The following IPP variants were observed in gnomAD, a reference collection of about 807,000 sequenced individuals.
IPP encodes the protein actin-binding protein IPP.
Under a neutral mutation model 64.1 loss-of-function variants are expected in IPP, and 41 were observed. The observed-to-expected ratio is 0.64, with a 90% CI of 0.50 to 0.83. The LOEUF is 0.83. Among genes scored for constraint, IPP ranks in the 40% least tolerant of loss-of-function variants. The probability of loss-of-function intolerance (pLI) is 0.00; values close to 1 mark genes in which losing one functional copy is unlikely to be tolerated. For missense variants in IPP, 649 were observed against 703.0 expected, an observed-to-expected ratio of 0.92 and a Z score of 0.87; for synonymous variants, 214 against 235.2, an observed-to-expected ratio of 0.91 and a Z score of 0.83.
chr1:45,743,749 C>T (rs1646097170), intron 2 of IPP, among the ~76,000 whole-genome samples: 1 of 151,662 alleles, frequency 6.6e-6, no homozygotes, highest in Non-Finnish European at 1.5e-5. Context: ...AGTGGCTCTC[C>T]CCTGTAATCC....
intron 5 of IPP, among the ~76,000 whole-genome samples, chr1:45,721,446 C>A (rs1645730002): frequency 6.6e-6 from 1 of 152,216 alleles, no homozygotes; most frequent in Admixed American, 6.5e-5. Context: ...GTAGACAACA[C>A]TTCCCACATG....
At position 45,741,216 on chromosome 1, in the gene IPP, G is replaced by A. The variant is rs1228812247; in HGVS notation, c.409C>T (p.Leu137=). Residue 137 remains leucine (L), a synonymous_variant, in exon 3 of 9, where the codon CTG becomes TTG. Transcript: ENST00000396478. ...AACTGAAAAATTCCAATGCAGTTCA[G>A]TGGATCAATTTGTCCTTTCAGAAAT... ...CEFLKGQIDP[L]NCIGIFQFSE... 4 of 1,614,014 alleles carry A rather than the reference G, an allele frequency of 2.5e-6. No homozygotes were observed. The highest frequency in any genetic ancestry group is 3.4e-6 in the Non-Finnish European group (4 of 1,179,980).
Position 45,740,992 on chromosome 1 carries a change from A to C in IPP, c.633T>G (p.Asp211Glu). 1.2e-6 allele frequency: 2 copies of C among 1,613,992 alleles called. No homozygotes were observed. The highest frequency in any genetic ancestry group is 8.5e-7 in the Non-Finnish European group (1 of 1,179,920). Residue 211 changes from aspartate to glutamate, a missense_variant, in exon 3 of 9, where the codon GAT (aspartate) becomes GAG (glutamate). Physicochemically the swap from Asp to Glu is conservative, Grantham distance 45. Coordinates refer to ENST00000396478, the MANE Select transcript of IPP (RefSeq NM_005897.3). Reference protein sequence around the residue: ...FLAAMQWILKDLGKRRKHVVE... With the variant: ...FLAAMQWILKELGKRRKHVVE... ...CCACATGTTTTCTTCTTTTTCCCAAATCTTTCAGAATCCATTGCATTGCAG... is the reference window on the plus strand; with the variant it reads ...CCACATGTTTTCTTCTTTTTCCCAACTCTTTCAGAATCCATTGCATTGCAG...
intron 5 of IPP, among the ~76,000 whole-genome samples, chr1:45,726,766 C>CA (rs1330795395): frequency 6.6e-6 from 1 of 150,756 alleles, no homozygotes; most frequent in Non-Finnish European, 1.5e-5. Flanking sequence ...TCTTGTTGCC[C>CA]AGGCTGGAGT....
At chr1:45,735,621 ATTTTTTTTTTT>A (rs1160000550) in intron 3 of IPP, among the ~76,000 whole-genome samples, 32 of 57,470 alleles carry the variant, frequency 5.6e-4, no homozygotes, top group African/African-American at 7.6e-4. Flanking sequence ...AGACCTGGCT[ATTTTTTTTTTT>A]TTTTTTTTTT....
chr1:45,726,650 T>C (rs1465047045), intron 5 of IPP, among the ~76,000 whole-genome samples: 1 of 152,104 alleles, frequency 6.6e-6, no homozygotes, highest in Admixed American at 6.6e-5. Context: ...GCTTGGTTTA[T>C]TAAATGAATC....
Position 45,714,455 on chromosome 1 carries a change from C to T in IPP, c.1321G>A (p.Val441Ile), listed in dbSNP as rs759966812. ...CCTTCATTGCTGATGCCCCCAATTA[C>T]ATAAATTAAACCTGGAAGTGGAATA... ...GCCEMQGLIY[V>I]IGGISNEGIE... Residue 441 changes from valine to isoleucine, a missense_variant, in exon 8 of 9, where the codon GTA (valine) becomes ATA (isoleucine). Physicochemically the swap from Val to Ile is conservative, Grantham distance 29. Coordinates refer to ENST00000396478, the MANE Select transcript of IPP (RefSeq NM_005897.3). 1 of 1,608,442 alleles carries T rather than the reference C, an allele frequency of 6.2e-7. No homozygotes were observed. The highest frequency in any genetic ancestry group is 1.1e-5 in the South Asian group (1 of 90,952).
At chr1:45,737,981 T>C (rs1193090469) in intron 3 of IPP, among the ~76,000 whole-genome samples, 1 of 152,212 alleles carries the variant, frequency 6.6e-6, no homozygotes, top group Non-Finnish European at 1.5e-5. Context: ...TACTTTATTA[T>C]TAGCTATTAT....
chr1:45,721,306 A>G (rs1392978478), intron 5 of IPP, among the ~76,000 whole-genome samples: 1 of 152,202 alleles, frequency 6.6e-6, no homozygotes, highest in African/African-American at 2.4e-5. Flanking sequence ...TGTACAAACA[A>G]TGTGGTTTAT....
At chr1:45,716,818 T>G in intron 7 of IPP, 77 bp downstream of exon 7, 1 of 1,278,212 alleles carries the variant, frequency 7.8e-7, no homozygotes, top group Non-Finnish European at 1.1e-6. Flanking sequence ...AAATATACTT[T>G]TGTGAAAATA....
intron 4 of IPP, among the ~76,000 whole-genome samples, chr1:45,728,620 A>G (rs1645864823): frequency 6.6e-6 from 1 of 151,738 alleles, no homozygotes; most frequent in Non-Finnish European, 1.5e-5. Flanking sequence ...TCAGCTTCCC[A>G]AGTAGCTGGG....
In IPP at chr1:45,749,502, T is replaced by TG. The variant is rs921241031; in HGVS notation, c.-51+1094_-51+1095insC. On this transcript the variant is annotated intron_variant, in intron 1 of 8. Coordinates refer to ENST00000396478, the MANE Select transcript of IPP (RefSeq NM_005897.3). ...GGATCGCTTGATTTTTTGTTTTTTT[T>TG]TTTTGTTTTGTTTTTGTTTTTTGTT... Among the ~76,000 whole-genome samples, 90 of 149,258 alleles carry TG rather than the reference T, an allele frequency of 6.0e-4. 1 individual carries two copies. The highest frequency in any genetic ancestry group is 2.0e-3 in the African/African-American group (80 of 40,676).
chr1:45,703,139 G>A (rs1295661341), intron 8 of IPP, among the ~76,000 whole-genome samples: 3 of 151,554 alleles, frequency 2.0e-5, no homozygotes, highest in African/African-American at 7.3e-5. Flanking sequence ...CCAGGCTGGA[G>A]TGCCGTGGTG....
intron 2 of IPP, among the ~76,000 whole-genome samples, chr1:45,742,428 TTAACA>T (rs1447528162): frequency 2.6e-5 from 4 of 152,354 alleles, no homozygotes; most frequent in Admixed American, 2.6e-4. Flanking sequence ...GTCTATGCTT[TTAACA>T]TAAGGTTATA....
intron 8 of IPP, among the ~76,000 whole-genome samples, chr1:45,712,972 T>G (rs982410162): frequency 9.9e-5 from 15 of 151,544 alleles, no homozygotes; most frequent in African/African-American, 3.6e-4. Context: ...AATATTTTAA[T>G]ATAAATGCCA....
chr1:45,740,860 G>T, intron 3 of IPP, 41 bp downstream of exon 3: 2 of 1,279,094 alleles, frequency 1.6e-6, no homozygotes, highest in Non-Finnish European at 2.2e-6. Context: ...CACATCACTG[G>T]ATAATTAATC....
intron 3 of IPP, among the ~76,000 whole-genome samples, chr1:45,739,708 AAATTTATTTTAT>A (rs1212012900): frequency 6.6e-6 from 1 of 152,190 alleles, no homozygotes; most frequent in East Asian, 1.9e-4. Context: ...TATCAATACC[AAATTTATTTTAT>A]AATGAAAGGA....
At chr1:45,747,867 A>C (rs11211172) in intron 1 of IPP, among the ~76,000 whole-genome samples, 36,113 of 137,176 alleles carry the variant, frequency 0.26, 5,457 homozygotes, top group South Asian at 0.35. Flanking sequence ...AAAAAAAAAA[A>C]CCATGAGATC....
chr1:45,714,651 A>C (rs1445076224), intron 7 of IPP, among the ~76,000 whole-genome samples, 185 bp from the exon 8 acceptor site: 1 of 152,214 alleles, frequency 6.6e-6, no homozygotes, highest in Non-Finnish European at 1.5e-5. Flanking sequence ...AGTTGCAAAA[A>C]ATTAGTGGAA....
Sources: allele counts gnomAD v4.1 joint callset (sites outside exome capture counted in the v4.1 genomes callset), GRCh38; gene constraint gnomAD v4.1.1; transcripts MANE v1.5; gene names NCBI Gene and HGNC (gene_info 2026-07-23, HGNC 2026-07-21).